Variants in LRAT observed in about 807,000 individuals in gnomAD.
The protein encoded by LRAT is lecithin retinol acyltransferase.
LRAT carries 11 observed loss-of-function variants against 14.2 expected under a neutral mutation model. That is an observed-to-expected ratio of 0.78 (90% CI 0.49 to 1.29). The LOEUF (loss-of-function observed/expected upper bound fraction) is 1.29, where lower values mean the gene tolerates loss of function less well. LRAT is among the 50% of genes most tolerant of loss of function. LRAT has a pLI of 0.00. For missense variants in LRAT, 274 were observed against 292.4 expected (o/e 0.94, Z 0.46); for synonymous variants, 144 against 124.8 (o/e 1.15, Z -1.03).
At position 154,751,700 on chromosome 4, in the gene LRAT, C is replaced by G. The variant is rs1029895965; in HGVS notation, c.*2564C>G. On this transcript the variant is annotated 3_prime_UTR_variant, in exon 3 of 3. Coordinates refer to ENST00000336356, the MANE Select transcript of LRAT (RefSeq NM_004744.5). ...AGTGAGTGGAAATTGCGCCACTGCA[C>G]TCCAGCCTGGGCAACAAAGTGAGAC... 7.5e-6 allele frequency: 1 copy of G among 132,984 alleles called. No homozygotes were observed. The highest frequency in any genetic ancestry group is 1.5e-5 in the Non-Finnish European group (1 of 65,428). 8.2% of individuals were successfully genotyped at this position (132,984 alleles called of 1,614,324 possible). A position where few individuals can be genotyped will look rare whatever the true frequency, so the allele number is the denominator to read the frequency against.
At chr4:154,748,868 A>C in intron 2 of LRAT, 116 bp from the exon 3 acceptor site, 2 of 966,812 alleles carry the variant, frequency 2.1e-6, no homozygotes, top group Non-Finnish European at 1.6e-6. Flanking sequence ...CATAAGAAAA[A>C]GTCTAGTTCT....
At chr4:154,744,958 T>TGCCTCAGCC in intron 2 of LRAT, 92 bp downstream of exon 2, 2 of 1,178,410 alleles carry the variant, frequency 1.7e-6, no homozygotes, top group Admixed American at 3.4e-5. Flanking sequence ...AGGGATCTAA[T>TGCCTCAGCC]TCCTGGACAC....
chr4:154,744,352 T>G lies in LRAT; in HGVS notation c.26T>G (p.Val9Gly). 6.2e-7 allele frequency: 1 copy of G among 1,614,104 alleles called. No individual in the cohort carries two copies. Among genetic ancestry groups the G allele is most frequent in the Non-Finnish European group, 8.5e-7 (1 of 1,180,032 alleles). Residue 9 changes from valine (V) to glycine (G), a missense_variant, in exon 2 of 3, where the codon GTG becomes GGG. Val to Gly is a moderately radical substitution (Grantham distance 109). Transcript: ENST00000336356. ...ATGAAGAACCCCATGCTGGAGGTGG[T>G]GTCTTTACTACTGGAGAAGCTGCTC... MKNPMLEVVSLLLEKLLLI... is the reference protein window; with the variant it reads MKNPMLEVGSLLLEKLLLI...
At chr4:154,743,132 C>T, upstream of LRAT, among the ~76,000 whole-genome samples, 1 of 116,166 alleles carries the variant, frequency 8.6e-6, no homozygotes, top group East Asian at 3.2e-4. Flanking sequence ...CCAACCCCCC[C>T]CCCCCCGCCC....
At chr4:154,748,895 T>C (rs759457569) in intron 2 of LRAT, 89 bp from the exon 3 acceptor site, 4 of 1,281,106 alleles carry the variant, frequency 3.1e-6, no homozygotes, top group Non-Finnish European at 4.5e-6. Flanking sequence ...AGACAGAAAA[T>C]AGCTGGGAAA....
chr4:154,747,873 G>A (rs1483709061), intron 2 of LRAT, among the ~76,000 whole-genome samples: 1 of 152,028 alleles, frequency 6.6e-6, no homozygotes, highest in Non-Finnish European at 1.5e-5. Context: ...CACTTGTTTA[G>A]GTAATTGTGT....
upstream of LRAT, chr4:154,743,999 C>G (rs545258220): frequency 1.7e-4 from 63 of 373,402 alleles, no homozygotes; most frequent in Non-Finnish European, 2.3e-4. Flanking sequence ...CCTGCACCTC[C>G]GAGCACCGCG....
chr4:154,744,975 T>A, intron 2 of LRAT, 109 bp downstream of exon 2: 1 of 663,908 alleles, frequency 1.5e-6, no homozygotes, highest in Non-Finnish European at 2.7e-6. Flanking sequence ...ACACCTCCCC[T>A]ACCACTTCCA....
At chr4:154,741,639 A>G (rs1295051219), upstream of LRAT, among the ~76,000 whole-genome samples, 1 of 152,164 alleles carries the variant, frequency 6.6e-6, no homozygotes, top group Non-Finnish European at 1.5e-5. Context: ...CTTTCCCAAG[A>G]AGGCGGCCAG....
At chr4:154,745,824 CA>C (rs1258746578) in intron 2 of LRAT, among the ~76,000 whole-genome samples, 1 of 152,124 alleles carries the variant, frequency 6.6e-6, no homozygotes, top group Non-Finnish European at 1.5e-5. Context: ...TTGTATTTTC[CA>C]TGGTATTCTG....
At chr4:154,747,580 T>C (rs538662991) in intron 2 of LRAT, among the ~76,000 whole-genome samples, 2 of 152,284 alleles carry the variant, frequency 1.3e-5, no homozygotes, top group African/African-American at 4.8e-5. Context: ...AGACATGAGT[T>C]GCTTTTTGAG....
upstream of LRAT, among the ~76,000 whole-genome samples, chr4:154,742,724 C>T (rs1732790602): frequency 6.6e-6 from 1 of 152,192 alleles, no homozygotes; most frequent in Admixed American, 6.5e-5. Context: ...CAGCGGCTCC[C>T]TCACCCGGCA....
At chr4:154,746,080 TTAAC>T (rs1158643978) in intron 2 of LRAT, among the ~76,000 whole-genome samples, 1 of 152,228 alleles carries the variant, frequency 6.6e-6, no homozygotes, top group African/African-American at 2.4e-5. Flanking sequence ...TTAAAACCTC[TTAAC>T]TTTTAAAAAT....
chr4:154,742,308 C>A (rs1732783385), upstream of LRAT, among the ~76,000 whole-genome samples: 1 of 152,146 alleles, frequency 6.6e-6, no homozygotes. Context: ...GTTTTCTCCT[C>A]TTTGCTGGGA....
Position 154,749,047 on chromosome 4 carries a change from G to T in LRAT, c.604G>T (p.Gly202Ter). ...AAGTGTTCTTGCTTCAGCAGTCTTG[G>T]GATTGGCGTCTATAGTCTGTACGGG... ...QRSVLASAVL[G>*]LASIVCTGLV... Residue 202 changes from glycine (G) to a stop codon, truncating the protein, a stop_gained, in exon 3 of 3, where the codon GGA (glycine) becomes TGA (stop). Transcript: ENST00000336356. LOFTEE classifies it high-confidence loss of function. 1 of 1,613,730 alleles carries T rather than the reference G, an allele frequency of 6.2e-7. No homozygotes were observed. Among genetic ancestry groups the T allele is most frequent in the Non-Finnish European group, 8.5e-7 (1 of 1,179,714 alleles).
At chr4:154,742,439 G>A (rs1481208144), upstream of LRAT, among the ~76,000 whole-genome samples, 1 of 152,080 alleles carries the variant, frequency 6.6e-6, no homozygotes, top group Admixed American at 6.5e-5. Flanking sequence ...CAAGGATAAT[G>A]GGGAGCCGTT....
At chr4:154,748,388 G>A in intron 2 of LRAT, 1 of 989,076 alleles carries the variant, frequency 1.0e-6, no homozygotes, top group Non-Finnish European at 1.2e-6. Flanking sequence ...ATTCCTCAGG[G>A]GTAAGGACAA....
In LRAT at chr4:154,749,376, G is replaced by A. The variant is rs1002109296; in HGVS notation, c.*240G>A. 44 of 499,410 alleles carry A rather than the reference G, an allele frequency of 8.8e-5. No homozygotes were observed. The Admixed American group carries it at 1.3e-3, about 15-fold the overall frequency. 30.9% of individuals were successfully genotyped at this position (499,410 alleles called of 1,614,324 possible). On this transcript the variant is annotated 3_prime_UTR_variant, in exon 3 of 3. Coordinates refer to ENST00000336356, the MANE Select transcript of LRAT (RefSeq NM_004744.5). ...CCAAACCTTGGAAATACGACAGGGT[G>A]TGGTAGAATTCAGCAATATGAGAAA...
chr4:154,744,737 C>G lies in LRAT; in HGVS notation c.411C>G (p.Leu137=), dbSNP rs572457198. The change falls in exon 2 of 3, where the codon CTC becomes CTG. Residue 137 remains leucine (L), a synonymous_variant. Transcript: ENST00000336356. ...AGTCCCTCCAGAAAAAGGCACTGCT[C>G]AACGAGGAGGTGGCGCGGAGGGCTG... The part of the protein sequence containing the change: ...LDESLQKKAL[L]NEEVARRAEK... The G allele has an allele frequency of 5.0e-6, 8 of 1,614,204 alleles. No homozygotes were observed. The East Asian group carries it at 1.6e-4, about 31-fold the overall frequency.
Sources: gnomAD v4.1 joint callset for allele counts (sites outside exome capture counted in the v4.1 genomes callset) on GRCh38, gnomAD v4.1.1 for gene constraint, MANE v1.5 for transcripts, NCBI Gene and HGNC (gene_info 2026-07-23, HGNC 2026-07-21) for gene names.